Variants in TRHDE observed in about 807,000 individuals in gnomAD.
The protein encoded by TRHDE is thyrotropin-releasing hormone-degrading ectoenzyme.
Under a neutral mutation model 125.7 loss-of-function variants are expected in TRHDE, and 72 were observed. The ratio of observed to expected loss-of-function variants is 0.57; its 90% confidence interval spans 0.47 to 0.70. The LOEUF (loss-of-function observed/expected upper bound fraction) is 0.70, where lower values mean the gene tolerates loss of function less well. Among genes scored for constraint, TRHDE ranks in the 30% least tolerant of loss-of-function variants. TRHDE has a pLI of 0.00. For missense variants in TRHDE, 1,110 were observed against 1,327.1 expected (o/e 0.84, Z 2.54); for synonymous variants, 509 against 509.1 (o/e 1.00, Z 0.00).
intron 2 of TRHDE, among the ~76,000 whole-genome samples, chr12:72,377,180 T>C (rs111526572): frequency 2.0e-5 from 3 of 152,230 alleles, no homozygotes; most frequent in African/African-American, 4.8e-5. Flanking sequence ...CTGTGAAAAA[T>C]AGATTTAGCC....
chr12:72,520,498 G>C (rs1353415067), intron 6 of TRHDE, among the ~76,000 whole-genome samples: 2 of 151,870 alleles, frequency 1.3e-5, no homozygotes, highest in South Asian at 2.1e-4. Context: ...CCCTGCTTCT[G>C]CTTGCGCACG....
intron 2 of TRHDE, among the ~76,000 whole-genome samples, chr12:72,168,238 A>G (rs2139333371): frequency 6.6e-6 from 1 of 152,342 alleles, no homozygotes; most frequent in East Asian, 1.9e-4. Flanking sequence ...CAAATTTTCT[A>G]GAATGAAAGG....
chr12:72,396,808 C>G (rs980796164), intron 3 of TRHDE, among the ~76,000 whole-genome samples: 4 of 152,094 alleles, frequency 2.6e-5, no homozygotes, highest in African/African-American at 9.7e-5. Context: ...GAATGGTACA[C>G]CAGTTTCTTC....
At chr12:72,322,603 A>G (rs1328877137) in intron 2 of TRHDE, among the ~76,000 whole-genome samples, 1 of 152,114 alleles carries the variant, frequency 6.6e-6, no homozygotes, top group African/African-American at 2.4e-5. Context: ...TGTATTTTCC[A>G]CAGGGACAAT....
chr12:72,411,591 T>A (rs1239260176), intron 3 of TRHDE, among the ~76,000 whole-genome samples: 1 of 152,160 alleles, frequency 6.6e-6, no homozygotes, highest in African/African-American at 2.4e-5. Context: ...ATATATTTAA[T>A]GAATTTCAAA....
intron 4 of TRHDE, among the ~76,000 whole-genome samples, chr12:72,471,181 A>C (rs1032536540): frequency 6.6e-5 from 10 of 151,926 alleles, no homozygotes; most frequent in African/African-American, 2.2e-4. Context: ...CCCAGCCCCT[A>C]AATGTCAGTT....
rs534214217 is a variant in TRHDE, at chr12:72,125,164, G to T, written n.279+19412G>T. Among the ~76,000 whole-genome samples the T allele has an allele frequency of 5.9e-5, 9 of 151,960 alleles. No homozygotes were observed. In the South Asian group the frequency reaches 1.9e-3, roughly 32 times the overall value. ...GCTTTTTTTTAAGCATTGGTACTAAGATTACTTTATCATCATAAAATAAAT... is the reference window on the plus strand; with the variant it reads ...GCTTTTTTTTAAGCATTGGTACTAATATTACTTTATCATCATAAAATAAAT... On this transcript the variant is annotated intron_variant and non_coding_transcript_variant, in intron 2 of 4. Transcript: ENST00000548156.
intron 2 of TRHDE, among the ~76,000 whole-genome samples, chr12:72,238,327 TA>T (rs1474460888): frequency 0.036 from 1,172 of 32,934 alleles, 224 homozygotes; most frequent in African/African-American, 0.11. Context: ...TATATACATA[TA>T]TATATACACA....
chr12:72,567,425 A>G (rs1035042433), intron 9 of TRHDE, among the ~76,000 whole-genome samples: 8 of 151,874 alleles, frequency 5.3e-5, no homozygotes, highest in African/African-American at 1.9e-4. Flanking sequence ...ATTTCTTCCA[A>G]CCTTCCATTT....
At chr12:72,430,354 C>T (rs1329925201) in intron 3 of TRHDE, among the ~76,000 whole-genome samples, 3 of 140,472 alleles carry the variant, frequency 2.1e-5, no homozygotes, top group Non-Finnish European at 3.1e-5. Flanking sequence ...TACATGTATA[C>T]ATATATACAT....
Position 72,363,434 on chromosome 12 carries a change from G to T in TRHDE, c.1189-14561G>T, listed in dbSNP as rs539617225. Among the ~76,000 whole-genome samples, 66 of 152,008 alleles carry T rather than the reference G, an allele frequency of 4.3e-4. No individual in the cohort carries two copies. In the East Asian group the frequency reaches 0.013, roughly 29 times the overall value. On this transcript the variant is annotated intron_variant, in intron 2 of 18. Coordinates refer to ENST00000261180, the MANE Select transcript of TRHDE (RefSeq NM_013381.3). Reference sequence around the variant, plus strand: ...AAGCTTATCCACCATGATCAAGTGGGCTTCATCCCTGGGATGCAAGGCTGG... The same window carrying T: ...AAGCTTATCCACCATGATCAAGTGGTCTTCATCCCTGGGATGCAAGGCTGG...
chr12:72,308,961 A>G (rs1868413108), intron 2 of TRHDE, among the ~76,000 whole-genome samples: 1 of 152,024 alleles, frequency 6.6e-6, no homozygotes, highest in African/African-American at 2.4e-5. Context: ...TCTTTTTTTA[A>G]TGTTAGAACT....
intron 6 of TRHDE, among the ~76,000 whole-genome samples, chr12:72,513,037 T>TA (rs1244816732): frequency 3.3e-5 from 5 of 152,102 alleles, no homozygotes; most frequent in African/African-American, 9.7e-5. Context: ...TAATCAACCA[T>TA]ATATGGTATG....
chr12:72,129,559 G>A (rs1875813443), intron 2 of TRHDE, among the ~76,000 whole-genome samples: 1 of 152,168 alleles, frequency 6.6e-6, no homozygotes. Context: ...GATAACAAAA[G>A]TTCTTTGCCA....
chr12:72,381,662 CT>C (rs1872190891), intron 3 of TRHDE, among the ~76,000 whole-genome samples: 1 of 152,136 alleles, frequency 6.6e-6, no homozygotes. Context: ...TCCCAAAGTG[CT>C]GGGATTACAG....
chr12:72,312,333 A>G (rs2135700983), intron 2 of TRHDE, among the ~76,000 whole-genome samples: 1 of 152,288 alleles, frequency 6.6e-6, no homozygotes, highest in South Asian at 2.1e-4. Flanking sequence ...ATTATGTACA[A>G]TTGTTCAACA....
chr12:72,155,012 C>G (rs1592461907), intron 2 of TRHDE, among the ~76,000 whole-genome samples: 1 of 152,172 alleles, frequency 6.6e-6, no homozygotes, highest in Non-Finnish European at 1.5e-5. Context: ...TCCATTCTCC[C>G]CGTCACTTTC....
chr12:72,090,642 G>A (rs887673719), intron 1 of TRHDE, among the ~76,000 whole-genome samples: 4 of 152,044 alleles, frequency 2.6e-5, no homozygotes, highest in African/African-American at 4.8e-5. Context: ...AGGACTGGGA[G>A]TTTTATGGTA....
chr12:72,468,608 C>T (rs1876496937), intron 3 of TRHDE, among the ~76,000 whole-genome samples: 1 of 152,200 alleles, frequency 6.6e-6, no homozygotes, highest in Admixed American at 6.5e-5. Flanking sequence ...TCTACCCTGC[C>T]ACTTACTGAC....
Sources: gnomAD v4.1 joint callset for allele counts (sites outside exome capture counted in the v4.1 genomes callset) on GRCh38, gnomAD v4.1.1 for gene constraint, MANE v1.5 for transcripts, NCBI Gene and HGNC (gene_info 2026-07-23, HGNC 2026-07-21) for gene names.